The following RNASE11 variants were observed in gnomAD, a reference collection of about 807,000 sequenced individuals.
The protein encoded by RNASE11 is ribonuclease A family member 11 (inactive), also known as putative inactive ribonuclease 11.
For missense variants in RNASE11, 252 were observed against 237.8 expected (o/e 1.06, Z -0.39); for synonymous variants, 105 against 86.1 (o/e 1.22, Z -1.21).
chr14:20,584,456 G>A, exon 2 of RNASE11: 5 of 1,600,580 alleles, frequency 3.1e-6, no homozygotes, highest in South Asian at 1.1e-5. Context: ...CTGAGCAGCA[G>A]CAGAGGAAAG....
rs938437543 is a variant in RNASE11, at chr14:20,585,043, T to G, written c.-22-547A>C. 4 of 984,282 alleles carry G rather than the reference T, an allele frequency of 4.1e-6. No individual in the cohort carries two copies. In the African/African-American group the frequency reaches 7.0e-5, roughly 17 times the overall value. 61.0% of individuals were successfully genotyped at this position (984,282 alleles called of 1,614,324 possible). A position where few individuals can be genotyped will look rare whatever the true frequency, so the allele number is the denominator to read the frequency against. ...TGTCTTTACCAGTTCCTTCGGCAAG[T>G]TGATCCTGTAGAGGAAGATTCCACT... On this transcript the variant is annotated intron_variant, in intron 1 of 1. Transcript: ENST00000553849.
At chr14:20,583,889 C>T (rs1304889091) in exon 2 of RNASE11, 3 of 1,608,694 alleles carry the variant, frequency 1.9e-6, no homozygotes, top group African/African-American at 1.3e-5. Context: ...AACTTAGAGC[C>T]ACAAACTAAC....
intron 1 of RNASE11, among the ~76,000 whole-genome samples, chr14:20,585,725 A>G (rs530279326): frequency 3.3e-4 from 50 of 152,352 alleles, no homozygotes; most frequent in African/African-American, 1.2e-3. Context: ...CAGCATTCAT[A>G]GCTGCCTGAG....
At chr14:20,586,289 C>T (rs1269621170) in intron 1 of RNASE11, among the ~76,000 whole-genome samples, 1 of 152,166 alleles carries the variant, frequency 6.6e-6, no homozygotes, top group Admixed American at 6.5e-5. Flanking sequence ...TCTTTCCTGC[C>T]TCTTGAAATC....
chr14:20,587,376 A>G (rs1884457558), intron 1 of RNASE11, among the ~76,000 whole-genome samples, 187 bp downstream of exon 2: 1 of 152,200 alleles, frequency 6.6e-6, no homozygotes, highest in African/African-American at 2.4e-5. Flanking sequence ...GCTTCGGTGA[A>G]GAAGGGGAGA....
At chr14:20,585,711 T>C (rs1884420716) in intron 1 of RNASE11, among the ~76,000 whole-genome samples, 1 of 152,204 alleles carries the variant, frequency 6.6e-6, no homozygotes, top group African/African-American at 2.4e-5. Flanking sequence ...GTAATTCAAG[T>C]GGGCAGCATT....
chr14:20,587,783 G>A (rs1046373076), upstream of RNASE11: 37 of 985,156 alleles, frequency 3.8e-5, no homozygotes, highest in Non-Finnish European at 4.1e-5. Flanking sequence ...ATCCCCCAAC[G>A]CCCCCTCCTA....
At chr14:20,583,803 A>C (rs1313470961) in exon 2 of RNASE11, 7 of 1,460,514 alleles carry the variant, frequency 4.8e-6, no homozygotes, top group Middle Eastern at 1.8e-4. Flanking sequence ...GATATTAAGG[A>C]AAGGTTTAAA....
rs1884377019 is a variant in RNASE11 at position 20,584,144 on chromosome 14, T to C, written c.331A>G (p.Asn111Asp). Residue 111 changes from asparagine to aspartate, a missense_variant, in exon 2 of 2, where the codon AAC (asparagine) becomes GAC (aspartate). Asn to Asp is a conservative substitution (Grantham distance 23). Coordinates refer to ENST00000553849, the Ensembl canonical transcript of RNASE11. ...TTATTGCTCCACTTGCACGATCCGT[T>C]TGCTTCTGAAACTTTTCTCCAGACT... 13 of 1,614,092 alleles carry C rather than the reference T, an allele frequency of 8.1e-6. No homozygotes were observed. The East Asian group carries it at 2.9e-4, about 36-fold the overall frequency.
At chr14:20,587,482 A>T in intron 1 of RNASE11, 81 bp downstream of exon 2, 1 of 577,702 alleles carries the variant, frequency 1.7e-6, no homozygotes, top group Non-Finnish European at 2.2e-6. Context: ...AACCTAAAGG[A>T]TGCATTTCAT....
chr14:20,584,337 T>G (rs1884385066), exon 2 of RNASE11: 1 of 1,614,020 alleles, frequency 6.2e-7, no homozygotes, highest in African/African-American at 1.3e-5. Flanking sequence ...CAATGGTCTG[T>G]TTTTCTTGGC....
At chr14:20,586,934 GAGGCCAGAAGTTCAAGACCA>G (rs1884446809) in intron 1 of RNASE11, among the ~76,000 whole-genome samples, 1 of 152,196 alleles carries the variant, frequency 6.6e-6, no homozygotes, top group Non-Finnish European at 1.5e-5. Context: ...AGGATCACTT[GAGGCCAGAAGTTCAAGACCA>G]GCCTAGGCAA....
At chr14:20,583,839 C>CT (rs1566561608) in exon 2 of RNASE11, 1 of 1,548,484 alleles carries the variant, frequency 6.5e-7, no homozygotes, top group Non-Finnish European at 8.7e-7. Flanking sequence ...AGAGGTCCTT[C>CT]TTTAGTAAGA....
At chr14:20,589,792 A>C (rs12100787), upstream of RNASE11, among the ~76,000 whole-genome samples, 56,639 of 151,744 alleles carry the variant, frequency 0.37, 11,063 homozygotes, top group African/African-American at 0.49. Flanking sequence ...GAGGCTGAGG[A>C]AGGAGAATCA....
intron 1 of RNASE11, among the ~76,000 whole-genome samples, chr14:20,587,196 G>A (rs952024199): frequency 6.6e-6 from 1 of 152,114 alleles, no homozygotes; most frequent in Admixed American, 6.5e-5. Context: ...TTTAGATACA[G>A]ATAGATAGAT....
chr14:20,584,398 A>G (rs568073447), exon 2 of RNASE11: 2 of 1,613,984 alleles, frequency 1.2e-6, no homozygotes, highest in Middle Eastern at 1.6e-4. Flanking sequence ...TTCTTCTTTA[A>G]TTATCTTCAT....
exon 2 of RNASE11, chr14:20,583,953 A>G (rs1168374320): frequency 2.5e-6 from 4 of 1,614,170 alleles, no homozygotes; most frequent in Non-Finnish European, 3.4e-6. Flanking sequence ...CTAATGAGGT[A>G]ACACTATGGT....
At chr14:20,584,205 A>T in exon 2 of RNASE11, 1 of 1,614,160 alleles carries the variant, frequency 6.2e-7, no homozygotes, top group Non-Finnish European at 8.5e-7. Context: ...CATTACCCGA[A>T]CTGTTTCCCT....
At chr14:20,589,125 A>ATTT (rs1884501898), upstream of RNASE11, among the ~76,000 whole-genome samples, 1 of 150,440 alleles carries the variant, frequency 6.6e-6, no homozygotes, top group Non-Finnish European at 1.5e-5. Context: ...CTGATGAACA[A>ATTT]ATGTTAAAAT....
Sources: allele counts gnomAD v4.1 joint callset (sites outside exome capture counted in the v4.1 genomes callset), GRCh38; gene constraint gnomAD v4.1.1; transcripts MANE v1.5; gene names NCBI Gene and HGNC (gene_info 2026-07-23, HGNC 2026-07-21).